Variants in NRXN3 observed in about 807,000 individuals in gnomAD.
NRXN3 encodes neurexin 3, also known as neurexin III.
In NRXN3, 32 loss-of-function variants were observed where a neutral mutation model predicts 137.6. The ratio of observed to expected loss-of-function variants is 0.23; its 90% CI spans 0.18 to 0.31. The LOEUF (loss-of-function observed/expected upper bound fraction) is 0.31, where lower values mean the gene tolerates loss of function less well. Ranked by LOEUF, NRXN3 falls within the 10% of genes least tolerant of loss-of-function variation. The probability of loss-of-function intolerance (pLI) is 1.00; values close to 1 mark genes in which losing one functional copy is unlikely to be tolerated. For missense variants in NRXN3, 1,574 were observed against 2,062.5 expected (o/e 0.76, Z 4.59); for synonymous variants, 798 against 784.5 (o/e 1.02, Z -0.29).
At chr14:79,148,150 G>C (rs528391296) in intron 15 of NRXN3, among the ~76,000 whole-genome samples, 1 of 152,242 alleles carries the variant, frequency 6.6e-6, no homozygotes, top group African/African-American at 2.4e-5. Flanking sequence ...GGAGGAAACA[G>C]TAAGCAAGTG....
intron 8 of NRXN3, among the ~76,000 whole-genome samples, chr14:78,765,756 C>CAT (rs2098706968): frequency 2.6e-5 from 4 of 151,990 alleles, no homozygotes; most frequent in Admixed American, 6.5e-5. Context: ...CACACACATA[C>CAT]ATATATACAT....
intron 15 of NRXN3, among the ~76,000 whole-genome samples, chr14:79,346,017 G>A (rs993064807): frequency 2.0e-5 from 3 of 152,122 alleles, no homozygotes; most frequent in East Asian, 1.9e-4. Context: ...GGCCACCATC[G>A]TTTCTCACCT....
chr14:79,773,368 G>A (rs2099085514), intron 19 of NRXN3, among the ~76,000 whole-genome samples: 1 of 152,010 alleles, frequency 6.6e-6, no homozygotes, highest in African/African-American at 2.4e-5. Flanking sequence ...GCAAAGACTT[G>A]GAACCAACCC....
chr14:78,409,821 A>AT, intron 4 of NRXN3, among the ~76,000 whole-genome samples: 1 of 152,314 alleles, frequency 6.6e-6, no homozygotes, highest in East Asian at 1.9e-4. Flanking sequence ...TACTTTGATT[A>AT]TAAGTGACAG....
chr14:78,400,790 C>T (rs1231173842), intron 4 of NRXN3, among the ~76,000 whole-genome samples: 1 of 152,178 alleles, frequency 6.6e-6, no homozygotes, highest in East Asian at 1.9e-4. Context: ...CGGTTTCTCT[C>T]TGATTACCAG....
intron 4 of NRXN3, among the ~76,000 whole-genome samples, chr14:78,487,160 T>TA (rs1473889589): frequency 6.6e-6 from 1 of 152,198 alleles, no homozygotes; most frequent in Non-Finnish European, 1.5e-5. Flanking sequence ...TTAAAGTGTT[T>TA]AAATTTCTGT....
intron 15 of NRXN3, among the ~76,000 whole-genome samples, chr14:79,399,028 G>A (rs145350871): frequency 1.3e-3 from 101 of 75,196 alleles, no homozygotes; most frequent in African/African-American, 2.6e-3. Context: ...AAAAAAAAAA[G>A]AAGAAGAAAA....
chr14:78,894,113 G>A (rs2099166965), intron 10 of NRXN3, among the ~76,000 whole-genome samples: 1 of 151,878 alleles, frequency 6.6e-6, no homozygotes, highest in African/African-American at 2.4e-5. Flanking sequence ...TAGGGTGGCT[G>A]TAGCAATTTC....
At chr14:78,943,131 G>C (rs1323791017) in intron 10 of NRXN3, among the ~76,000 whole-genome samples, 1 of 152,066 alleles carries the variant, frequency 6.6e-6, no homozygotes, top group Admixed American at 6.6e-5. Context: ...ATGAGAGGCT[G>C]GAACTTTGGG....
chr14:78,937,420 G>T (rs1258067020), intron 10 of NRXN3, among the ~76,000 whole-genome samples: 2 of 152,018 alleles, frequency 1.3e-5, no homozygotes, highest in African/African-American at 4.8e-5. Context: ...AAACAGCAGG[G>T]GCTCACCTGG....
intron 15 of NRXN3, among the ~76,000 whole-genome samples, chr14:79,028,721 A>C (rs890704711): frequency 6.6e-6 from 1 of 152,124 alleles, no homozygotes; most frequent in Admixed American, 6.6e-5. Flanking sequence ...GGATGTTGAC[A>C]GGGAAGGGGG....
intron 15 of NRXN3, among the ~76,000 whole-genome samples, chr14:79,064,739 GTATA>G (rs5809917): frequency 1.4e-5 from 2 of 140,570 alleles, no homozygotes; most frequent in South Asian, 2.2e-4. Flanking sequence ...ATATGTATAT[GTATA>G]TATATATATA....
chr14:78,294,555 C>CAAAAAAAAA (rs199592742), intron 3 of NRXN3, among the ~76,000 whole-genome samples: 1 of 106,458 alleles, frequency 9.4e-6, no homozygotes, highest in Non-Finnish European at 1.8e-5. Context: ...GATTCCGTCT[C>CAAAAAAAAA]AAAAAAAAAA....
At chr14:78,586,701 G>A (rs1031096123) in intron 4 of NRXN3, among the ~76,000 whole-genome samples, 8 of 152,112 alleles carry the variant, frequency 5.3e-5, no homozygotes, top group Non-Finnish European at 1.2e-4. Flanking sequence ...CATGTCCCCC[G>A]ACCCTGACCG....
intron 10 of NRXN3, among the ~76,000 whole-genome samples, chr14:78,912,106 T>C (rs1301933057): frequency 1.3e-5 from 2 of 151,422 alleles, no homozygotes; most frequent in African/African-American, 4.8e-5. Flanking sequence ...GTGTGTGATG[T>C]TCCCCTTCCT....
chr14:79,799,238 T>C (rs1402083427), intron 19 of NRXN3, among the ~76,000 whole-genome samples: 1 of 152,198 alleles, frequency 6.6e-6, no homozygotes, highest in Non-Finnish European at 1.5e-5. Context: ...AAATATGAAA[T>C]ACATATTTTA....
At position 78,416,759 on chromosome 14, in the gene NRXN3, A is replaced by G. The variant is rs1243453252; in HGVS notation, c.757+118899A>G. 5.9e-5 allele frequency among the ~76,000 whole-genome samples: 9 copies of G among 152,200 alleles called. No homozygotes were observed. In the East Asian group the frequency reaches 1.5e-3, roughly 26 times the overall value. ...CTGTTGCTTCCATTTGCTTGTCCAC[A>G]GTCAGAACTGAGAGGCAGGTAGGAA... On this transcript the variant is annotated intron_variant, in intron 4 of 20. Transcript: ENST00000335750.
intron 4 of NRXN3, among the ~76,000 whole-genome samples, chr14:78,326,796 G>T (rs906669105): frequency 6.6e-6 from 1 of 152,074 alleles, no homozygotes; most frequent in African/African-American, 2.4e-5. Context: ...ACATAAAGAT[G>T]ATTACTGCCC....
chr14:78,316,287 C>T (rs889922421), intron 4 of NRXN3, among the ~76,000 whole-genome samples: 22 of 151,000 alleles, frequency 1.5e-4, no homozygotes, highest in African/African-American at 4.2e-4. Flanking sequence ...GAGTTGGGGG[C>T]GGGGGTGGCA....
Sources: allele counts gnomAD v4.1 joint callset (sites outside exome capture counted in the v4.1 genomes callset), GRCh38; gene constraint gnomAD v4.1.1; transcripts MANE v1.5; gene names NCBI Gene and HGNC (gene_info 2026-07-23, HGNC 2026-07-21).